Variants in NOD2 observed in about 807,000 individuals in gnomAD.
NOD2 encodes nucleotide-binding oligomerization domain-containing protein 2.
In NOD2, 86 loss-of-function variants were observed where a neutral mutation model predicts 90.9. The ratio of observed to expected loss-of-function variants is 0.95; its 90% confidence interval spans 0.79 to 1.13. NOD2 has a LOEUF of 1.13. Ranked by LOEUF, NOD2 falls within the 50% of genes most tolerant of loss-of-function variation. The pLI is 0.00. For missense variants in NOD2, 1,238 were observed against 1,283.8 expected (o/e 0.96, Z 0.55); for synonymous variants, 581 against 554.6 (o/e 1.05, Z -0.67).
At chr16:50,708,879 C>A (rs528345094) in intron 3 of NOD2, among the ~76,000 whole-genome samples, 1 of 152,178 alleles carries the variant, frequency 6.6e-6, no homozygotes, top group Non-Finnish European at 1.5e-5. Context: ...AACATCAGTG[C>A]GCCACAGCAG....
intron 7 of NOD2, among the ~76,000 whole-genome samples, chr16:50,721,732 A>T (rs904407071): frequency 6.6e-6 from 1 of 152,058 alleles, no homozygotes; most frequent in East Asian, 1.9e-4. Flanking sequence ...GGCTCAGGTG[A>T]TCCTCCCTCC....
At chr16:50,708,868 A>G (rs1964325762) in intron 3 of NOD2, among the ~76,000 whole-genome samples, 1 of 152,156 alleles carries the variant, frequency 6.6e-6, no homozygotes, top group South Asian at 2.1e-4. Context: ...AACAGGATCT[A>G]AACATCAGTG....
chr16:50,716,654 CAATTGCAG>C lies in NOD2; in HGVS notation c.2452_2459del (p.Leu818ValfsTer10), dbSNP rs776993718. 6.2e-7 allele frequency: 1 copy of C among 1,614,144 alleles called. No homozygotes were observed. The highest frequency in any genetic ancestry group is 8.5e-7 in the Non-Finnish European group (1 of 1,179,994). Reference sequence around the variant, plus strand: ...CATTGAATGTGCTCTTCACTGCGAGCAATTGCAGAAGTTAGCGTAAGTCAGCCTGGGCT... The same window carrying C: ...CATTGAATGTGCTCTTCACTGCGAGCAAGTTAGCGTAAGTCAGCCTGGGCT... On this transcript the variant is annotated frameshift_variant, in exon 5 of 12. Coordinates refer to ENST00000647318, the MANE Select transcript of NOD2 (RefSeq NM_001370466.1). LOFTEE classifies it high-confidence loss of function.
rs908511039 is a variant in NOD2, at chr16:50,711,608, C to T, written c.1616C>T (p.Ser539Leu). 1.2e-6 allele frequency: 2 copies of T among 1,611,692 alleles called. No homozygotes were observed. Among genetic ancestry groups the T allele is most frequent in the Admixed American group, 3.3e-5 (2 of 60,036 alleles). Residue 539 changes from serine (S) to leucine (L), a missense_variant, in exon 4 of 12, where the codon TCA becomes TTA. Coordinates refer to ENST00000647318, the MANE Select transcript of NOD2 (RefSeq NM_001370466.1). The stretch of plus-strand genomic sequence containing the variant: ...CTGGGCATGTGCTGCTACGTGTTCT[C>T]AGCCCAGCAGCTCCAGGCAGCACAG... Reference protein sequence around the residue: ...WGLGMCCYVFSAQQLQAAQVS... With the variant: ...WGLGMCCYVFLAQQLQAAQVS...
intron 2 of NOD2, among the ~76,000 whole-genome samples, chr16:50,704,453 C>A (rs1293569347): frequency 1.3e-5 from 2 of 152,168 alleles, no homozygotes; most frequent in Non-Finnish European, 2.9e-5. Flanking sequence ...TCTGGGCTGG[C>A]CATCATTTTC....
chr16:50,721,048 G>A (rs996329952), intron 7 of NOD2, among the ~76,000 whole-genome samples: 6 of 151,454 alleles, frequency 4.0e-5, no homozygotes, highest in African/African-American at 9.7e-5. Flanking sequence ...CAGATGATCC[G>A]CCCGCCTCGG....
In NOD2 at chr16:50,733,011, T is replaced by C. The variant is rs968109132; in HGVS notation, c.*1192T>C. 1 of 152,394 alleles carries C rather than the reference T, an allele frequency of 6.6e-6. No individual in the cohort carries two copies. Among genetic ancestry groups the C allele is most frequent in the Non-Finnish European group, 1.5e-5 (1 of 68,034 alleles). 9.4% of individuals were successfully genotyped at this position (152,394 alleles called of 1,614,324 possible). ...TTACTGTCTTAAGTTTATACTCTTATAGACAACATGGCCGTGAACTTTATG... is the reference window on the plus strand; with the variant it reads ...TTACTGTCTTAAGTTTATACTCTTACAGACAACATGGCCGTGAACTTTATG... On this transcript the variant is annotated 3_prime_UTR_variant, in exon 12 of 12. Transcript: ENST00000647318.
At position 50,713,759 on chromosome 16, in the gene NOD2, C is replaced by T. The variant is rs9931711; in HGVS notation, c.2381+1386C>T. Among the ~76,000 whole-genome samples the T allele has an allele frequency of 6.4e-3, 981 of 152,124 alleles. 9 individuals are homozygous for T. The highest frequency in any genetic ancestry group is 0.022 in the African/African-American group (895 of 41,482). On this transcript the variant is annotated intron_variant, in intron 4 of 11. Transcript: ENST00000647318. Reference sequence around the variant, plus strand: ...ATTAGCTGGGGGGAAGGTATGGAGACGGCTGCCTGAGCTTCTGCAAAGTGG... The same window carrying T: ...ATTAGCTGGGGGGAAGGTATGGAGATGGCTGCCTGAGCTTCTGCAAAGTGG...
intron 2 of NOD2, among the ~76,000 whole-genome samples, chr16:50,702,575 T>C (rs114354193): frequency 1.4e-4 from 21 of 152,300 alleles, no homozygotes; most frequent in African/African-American, 4.8e-4. Context: ...GTAGTTGTCA[T>C]TGATTGCAGG....
intron 2 of NOD2, among the ~76,000 whole-genome samples, chr16:50,704,304 T>A (rs545880201): frequency 9.2e-5 from 14 of 152,288 alleles, no homozygotes; most frequent in African/African-American, 2.6e-4. Flanking sequence ...GGCCTCTTCT[T>A]CCCTGGTTTA....
chr16:50,711,104 C>T lies in NOD2; in HGVS notation c.1112C>T (p.Thr371Ile), dbSNP rs1964461594. Reference sequence around the variant, plus strand: ...GATCGTGAACGCCACTGCTCCCCGACCGACCCCACCTCTGTCCAGACCCTG... The same window carrying T: ...GATCGTGAACGCCACTGCTCCCCGATCGACCCCACCTCTGTCCAGACCCTG... ...FTDRERHCSP[T>I]DPTSVQTLLF... Residue 371 changes from threonine to isoleucine, a missense_variant, in exon 4 of 12, where the codon ACC becomes ATC. Around this residue, in one of 3 missense-constraint regions of NOD2, gnomAD observed 567 missense variants for 577.3 expected, o/e 0.98. Coordinates refer to ENST00000647318, the MANE Select transcript of NOD2 (RefSeq NM_001370466.1). 3 of 1,614,208 alleles carry T rather than the reference C, an allele frequency of 1.9e-6. No individual in the cohort carries two copies. The highest frequency in any genetic ancestry group is 1.7e-5 in the Admixed American group (1 of 60,030).
At chr16:50,729,512 T>C (rs1965379658) in intron 10 of NOD2, among the ~76,000 whole-genome samples, 1 of 152,170 alleles carries the variant, frequency 6.6e-6, no homozygotes, top group African/African-American at 2.4e-5. Flanking sequence ...AAAAAAGAAG[T>C]GGTGTAGGTG....
intron 11 of NOD2, 190 bp downstream of exon 11, chr16:50,730,091 G>T (rs1965402759): frequency 1.8e-6 from 1 of 544,254 alleles, no homozygotes; most frequent in Non-Finnish European, 3.4e-6. Context: ...TCTTTAAGTA[G>T]GGAGCAATGA....
rs151315883 is a variant in NOD2 at position 50,711,237 on chromosome 16, C to T, written c.1245C>T (p.Phe415=). 56 of 1,614,036 alleles carry T rather than the reference C, an allele frequency of 3.5e-5. No homozygotes were observed. The African/African-American group carries it at 6.9e-4, about 20-fold the overall frequency. ...AFLRKYIRTE[F]NLKGFSEQGI... is the part of the protein sequence containing the mutation. The stretch of plus-strand genomic sequence containing the variant: ...TCAGGAAGTACATCCGCACCGAGTT[C>T]AACCTCAAGGGCTTCTCTGAACAGG... The change falls in exon 4 of 12, where the codon TTC becomes TTT. Residue 415 remains phenylalanine, a synonymous_variant. Coordinates refer to ENST00000647318, the MANE Select transcript of NOD2 (RefSeq NM_001370466.1).
At position 50,712,071 on chromosome 16, in the gene NOD2, C is replaced by T. The variant is rs755568125; in HGVS notation, c.2079C>T (p.His693=). 5.0e-6 allele frequency: 8 copies of T among 1,613,388 alleles called. No individual in the cohort carries two copies. Among genetic ancestry groups the T allele is most frequent in the Admixed American group, 1.7e-5 (1 of 60,012 alleles). Residue 693 remains histidine (H), a synonymous_variant, in exon 4 of 12, where the codon CAC becomes CAT. Coordinates refer to ENST00000647318, the MANE Select transcript of NOD2 (RefSeq NM_001370466.1). Reference sequence around the variant, plus strand: ...CCCGCAGCCTCCGCAAGCACTTCCACTCCATCCCGCCAGCTGCACCGGGTG... The same window carrying T: ...CCCGCAGCCTCCGCAAGCACTTCCATTCCATCCCGCCAGCTGCACCGGGTG... The part of the protein sequence containing the change: ...CLARSLRKHF[H]SIPPAAPGEA...
chr16:50,732,145 G>T lies in NOD2; in HGVS notation c.*326G>T. 1 of 420,682 alleles carries T rather than the reference G, an allele frequency of 2.4e-6. No homozygotes were observed. The highest frequency in any genetic ancestry group is 4.5e-6 in the Non-Finnish European group (1 of 222,764). 26.1% of individuals were successfully genotyped at this position (420,682 alleles called of 1,614,324 possible). A position where few individuals can be genotyped will look rare whatever the true frequency, so the allele number is the denominator to read the frequency against. ...TCCCAGGCTTCCGTGTGGGTCAGTG[G>T]GGCCCATGGATGTGCTTGTTAACTG... is the stretch of plus-strand genomic sequence containing the variant. On this transcript the variant is annotated 3_prime_UTR_variant, in exon 12 of 12. Coordinates refer to ENST00000647318, the MANE Select transcript of NOD2 (RefSeq NM_001370466.1).
chr16:50,703,556 T>C (rs1470639839), intron 2 of NOD2, among the ~76,000 whole-genome samples: 1 of 151,950 alleles, frequency 6.6e-6, no homozygotes, highest in East Asian at 1.9e-4. Flanking sequence ...GGAGAATCGC[T>C]TGAACCCGGG....
intron 1 of NOD2, chr16:50,697,207 A>T (rs1221549770): frequency 1.2e-5 from 19 of 1,536,776 alleles, no homozygotes; most frequent in Non-Finnish European, 1.5e-5. Flanking sequence ...GCCTACCCGC[A>T]GATGCCATGC....
intron 8 of NOD2, 39 bp from the exon 9 acceptor site, chr16:50,723,262 C>T (rs1473990238): frequency 2.5e-6 from 4 of 1,592,196 alleles, no homozygotes; most frequent in South Asian, 2.2e-5. Context: ...TGAGGTCTTT[C>T]CCTGCTCTGA....
Sources: allele counts gnomAD v4.1 joint callset (sites outside exome capture counted in the v4.1 genomes callset), GRCh38; gene constraint gnomAD v4.1.1; regional missense constraint gnomAD v4.1.1; transcripts MANE v1.5; gene names NCBI Gene and HGNC (gene_info 2026-07-23, HGNC 2026-07-21).